STK32B: variants seen among roughly 807,000 people sequenced by gnomAD.
STK32B encodes the protein serine/threonine kinase 32B, also known as serine/threonine-protein kinase 32B.
In STK32B, 43 loss-of-function variants were observed where a neutral mutation model predicts 52.6. The ratio of observed to expected loss-of-function variants is 0.82; its 90% CI spans 0.64 to 1.05. The LOEUF is 1.05. Ranked by LOEUF, STK32B falls within the 50% of genes least tolerant of loss-of-function variation. The pLI, the probability that STK32B is intolerant of heterozygous loss-of-function variation, is 0.00. For synonymous variants in STK32B, 238 were observed against 204.3 expected, an observed-to-expected ratio of 1.17 and a Z score of -1.41; for missense variants, 621 against 534.6, an observed-to-expected ratio of 1.16 and a Z score of -1.59.
rs548149105 is a variant in STK32B, at chr4:5,446,143, A to G, written c.563-530A>G. On this transcript the variant is annotated intron_variant, in intron 6 of 11. Coordinates refer to ENST00000282908, the MANE Select transcript of STK32B (RefSeq NM_018401.3). ...TGCCCCCTCAGGGCATCCCATCTGC[A>G]TTCCACCCGGTAGTGTCACGCCAGT... is the stretch of plus-strand genomic sequence containing the variant. 2.0e-4 allele frequency among the ~76,000 whole-genome samples: 30 copies of G among 152,328 alleles called. No homozygotes were observed. In the South Asian group the frequency reaches 5.8e-3, roughly 29 times the overall value.
At chr4:5,228,608 A>C (rs1724032522) in intron 3 of STK32B, among the ~76,000 whole-genome samples, 1 of 152,178 alleles carries the variant, frequency 6.6e-6, no homozygotes, top group African/African-American at 2.4e-5. Flanking sequence ...GTTCCAGACC[A>C]CTGCAATAAA....
intron 1 of STK32B, among the ~76,000 whole-genome samples, chr4:5,096,238 T>C (rs1392353894): frequency 6.6e-6 from 1 of 152,226 alleles, no homozygotes; most frequent in Non-Finnish European, 1.5e-5. Context: ...CCTTTTAGAA[T>C]TTTCAGACAG....
At position 5,499,119 on chromosome 4, in the gene STK32B, G is replaced by T; in HGVS notation, c.*36G>T. ...GTTGCTGCTCAACAGGACTGCACTC[G>T]TCTCTGCCCTGCCCACCCAGAGCCC... On this transcript the variant is annotated 3_prime_UTR_variant, in exon 12 of 12. Coordinates refer to ENST00000282908, the MANE Select transcript of STK32B (RefSeq NM_018401.3). 6.4e-7 allele frequency: 1 copy of T among 1,568,116 alleles called. No individual in the cohort carries two copies.
intron 2 of STK32B, among the ~76,000 whole-genome samples, chr4:5,142,421 CTTTAA>C (rs1428086194): frequency 2.6e-5 from 4 of 152,328 alleles, no homozygotes; most frequent in East Asian, 3.9e-4. Context: ...AGTTCTGCAA[CTTTAA>C]TTTGTCTTTT....
chr4:5,082,619 A>G (rs957574536), intron 1 of STK32B, among the ~76,000 whole-genome samples: 1 of 152,152 alleles, frequency 6.6e-6, no homozygotes, highest in African/African-American at 2.4e-5. Flanking sequence ...ACAATGAATG[A>G]ATACATGTGC....
intron 3 of STK32B, among the ~76,000 whole-genome samples, chr4:5,327,329 C>G (rs1731948948): frequency 6.7e-6 from 1 of 149,424 alleles, no homozygotes; most frequent in Non-Finnish European, 1.5e-5. Flanking sequence ...TATGGCGAAT[C>G]CTTTCCAGAA....
intron 3 of STK32B, among the ~76,000 whole-genome samples, chr4:5,191,774 A>G (rs1342301687): frequency 6.6e-6 from 1 of 152,236 alleles, no homozygotes; most frequent in Non-Finnish European, 1.5e-5. Flanking sequence ...TATGTGATCA[A>G]ATCAAAAAAA....
chr4:5,266,629 A>AT (rs2108851216), intron 3 of STK32B, among the ~76,000 whole-genome samples: 1 of 152,284 alleles, frequency 6.6e-6, no homozygotes, highest in Admixed American at 6.5e-5. Flanking sequence ...TTTTAGTCTC[A>AT]TATTAATTGA....
chr4:5,227,709 C>T (rs1273291607), intron 3 of STK32B, among the ~76,000 whole-genome samples: 1 of 152,116 alleles, frequency 6.6e-6, no homozygotes, highest in East Asian at 1.9e-4. Flanking sequence ...GCTTTCTCCC[C>T]CCCTGGAGAG....
chr4:5,353,685 G>A (rs1733990775), intron 4 of STK32B, among the ~76,000 whole-genome samples: 1 of 152,064 alleles, frequency 6.6e-6, no homozygotes, highest in Non-Finnish European at 1.5e-5. Context: ...AAAAGAACAA[G>A]AAGATATTAT....
chr4:5,248,680 T>A (rs1042045708), intron 3 of STK32B, among the ~76,000 whole-genome samples: 6 of 152,178 alleles, frequency 3.9e-5, no homozygotes, highest in African/African-American at 7.2e-5. Flanking sequence ...CCAACCCAAA[T>A]GTCCATCAGT....
chr4:5,392,083 G>C (rs16837100), intron 4 of STK32B, among the ~76,000 whole-genome samples: 2,879 of 152,264 alleles, frequency 0.019, 85 homozygotes, highest in African/African-American at 0.063. Context: ...ATGCAATCTT[G>C]CATGTGGATG....
intron 1 of STK32B, among the ~76,000 whole-genome samples, chr4:5,096,902 A>C (rs1414267244): frequency 1.3e-5 from 2 of 152,214 alleles, no homozygotes; most frequent in Non-Finnish European, 2.9e-5. Context: ...AGCTCCTGCT[A>C]AGTGCCAGGC....
At chr4:5,170,118 T>C (rs1217077069) in intron 3 of STK32B, among the ~76,000 whole-genome samples, 1 of 152,170 alleles carries the variant, frequency 6.6e-6, no homozygotes, top group East Asian at 1.9e-4. Context: ...GTGGGTTACT[T>C]GGGCTGTTTC....
At chr4:5,042,114 TAGC>T in the STK32B span, among the ~76,000 whole-genome samples, 1 of 152,170 alleles carries the variant, frequency 6.6e-6, no homozygotes, top group Non-Finnish European at 1.5e-5. Flanking sequence ...GCAAGAGGAA[TAGC>T]AGCCACAAGA....
intron 3 of STK32B, among the ~76,000 whole-genome samples, chr4:5,248,292 G>A (rs1725608977): frequency 6.6e-6 from 1 of 152,166 alleles, no homozygotes; most frequent in Non-Finnish European, 1.5e-5. Flanking sequence ...AACAAATTCA[G>A]GCATGTAGAT....
At chr4:5,391,665 C>A (rs1366491931) in intron 4 of STK32B, among the ~76,000 whole-genome samples, 5 of 152,222 alleles carry the variant, frequency 3.3e-5, no homozygotes, top group Non-Finnish European at 7.3e-5. Context: ...GTCAAGCCTA[C>A]TGGCCAGATC....
At chr4:5,373,847 C>T (rs1043627316) in intron 4 of STK32B, among the ~76,000 whole-genome samples, 3 of 150,752 alleles carry the variant, frequency 2.0e-5, no homozygotes, top group African/African-American at 4.9e-5. Context: ...ATGGTTTCAA[C>T]CTTTGTGATT....
intron 1 of STK32B, among the ~76,000 whole-genome samples, chr4:5,094,858 T>G (rs1713293237): frequency 6.6e-6 from 1 of 152,138 alleles, no homozygotes; most frequent in Non-Finnish European, 1.5e-5. Flanking sequence ...ACTTACTTTC[T>G]GCCCTCAATG....
Sources: allele counts gnomAD v4.1 joint callset (sites outside exome capture counted in the v4.1 genomes callset), GRCh38; gene constraint gnomAD v4.1.1; transcripts MANE v1.5; gene names NCBI Gene and HGNC (gene_info 2026-07-23, HGNC 2026-07-21).